Variants in STAM2 observed in about 807,000 individuals in gnomAD.
STAM2 encodes the protein signal transducing adapter molecule 2.
In STAM2, 51 loss-of-function variants were observed where a neutral mutation model predicts 65.6. The ratio of observed to expected loss-of-function variants is 0.78; its 90% confidence interval spans 0.62 to 0.98. The LOEUF (loss-of-function observed/expected upper bound fraction) is 0.98. Ranked by LOEUF, STAM2 falls within the 50% of genes least tolerant of loss-of-function variation. The pLI is 0.00. For missense variants in STAM2, 584 were observed against 617.8 expected (o/e 0.95, Z 0.58); for synonymous variants, 198 against 208.4 (o/e 0.95, Z 0.43).
At chr2:152,142,944 C>A (rs1689275577) in intron 7 of STAM2, among the ~76,000 whole-genome samples, 4 of 152,274 alleles carry the variant, frequency 2.6e-5, no homozygotes, top group Non-Finnish European at 4.4e-5. Context: ...GCCTTCTTTG[C>A]CAGATGCTTG....
intron 1 of STAM2, among the ~76,000 whole-genome samples, chr2:152,167,868 C>T (rs894715041): frequency 7.9e-5 from 12 of 151,990 alleles, no homozygotes; most frequent in African/African-American, 2.9e-4. Flanking sequence ...TGAGATTGTA[C>T]CACTGCACTT....
intron 8 of STAM2, 123 bp from the exon 9 acceptor site, chr2:152,133,607 C>T: frequency 1.5e-6 from 1 of 676,212 alleles, no homozygotes; most frequent in Non-Finnish European, 2.5e-6. Flanking sequence ...ATATTCACCA[C>T]ATTTTATAAT....
intron 11 of STAM2, among the ~76,000 whole-genome samples, chr2:152,131,215 G>C (rs1203571434): frequency 6.6e-6 from 1 of 151,986 alleles, no homozygotes; most frequent in Non-Finnish European, 1.5e-5. Flanking sequence ...AGCACTTTGA[G>C]AGGCCAAGTT....
At chr2:152,172,273 C>T (rs1315519819) in intron 1 of STAM2, among the ~76,000 whole-genome samples, 1 of 152,052 alleles carries the variant, frequency 6.6e-6, no homozygotes, top group African/African-American at 2.4e-5. Flanking sequence ...GTTCTGATGC[C>T]AAGAAAAGAC....
chr2:152,149,496 CTT>C (rs70974823), intron 2 of STAM2, among the ~76,000 whole-genome samples: 4,741 of 126,524 alleles, frequency 0.037, 170 homozygotes, highest in African/African-American at 0.12. Context: ...ATAGTCTACT[CTT>C]TTTTTTTTTT....
intron 1 of STAM2, among the ~76,000 whole-genome samples, chr2:152,172,306 C>T (rs1689910275): frequency 6.6e-6 from 1 of 152,112 alleles, no homozygotes; most frequent in African/African-American, 2.4e-5. Flanking sequence ...GAGTTCCCTA[C>T]TTCCTAGCCT....
At chr2:152,150,769 G>A (rs919078308) in intron 1 of STAM2, among the ~76,000 whole-genome samples, 5 of 152,190 alleles carry the variant, frequency 3.3e-5, no homozygotes, top group Non-Finnish European at 5.9e-5. Flanking sequence ...TCATGCTACC[G>A]CACTCCAGCC....
intron 7 of STAM2, among the ~76,000 whole-genome samples, chr2:152,140,753 G>A (rs1689230861): frequency 6.6e-6 from 1 of 152,194 alleles, no homozygotes; most frequent in African/African-American, 2.4e-5. Context: ...AGAACCAAAG[G>A]TGCAATGCTA....
At chr2:152,152,560 AC>A (rs1689465929) in intron 1 of STAM2, among the ~76,000 whole-genome samples, 1 of 139,602 alleles carries the variant, frequency 7.2e-6, no homozygotes, top group Admixed American at 7.6e-5. Context: ...AAAAAAAACA[AC>A]AAAAAAAAAA....
intron 1 of STAM2, among the ~76,000 whole-genome samples, chr2:152,164,835 A>G (rs1368941643): frequency 6.6e-6 from 1 of 152,182 alleles, no homozygotes; most frequent in Non-Finnish European, 1.5e-5. Context: ...AAAACACATA[A>G]AAATTACCTT....
At chr2:152,136,461 A>G (rs1689156922) in intron 7 of STAM2, among the ~76,000 whole-genome samples, 1 of 152,126 alleles carries the variant, frequency 6.6e-6, no homozygotes, top group Admixed American at 6.6e-5. Flanking sequence ...ATAAAATTAA[A>G]AAATTAAAAA....
At chr2:152,153,788 G>A (rs909842435) in intron 1 of STAM2, among the ~76,000 whole-genome samples, 4 of 151,492 alleles carry the variant, frequency 2.6e-5, no homozygotes, top group African/African-American at 7.3e-5. Flanking sequence ...TAAATTCCAT[G>A]AATTTAGAAG....
Position 152,144,789 on chromosome 2 carries a change from G to A in STAM2, c.517+99C>T, listed in dbSNP as rs546756232. 2,655 of 917,190 alleles carry A rather than the reference G, an allele frequency of 2.9e-3. 19 individuals carry two copies. The highest frequency in any genetic ancestry group is 2.4e-3 in the Non-Finnish European group (1,377 of 563,872). The allele number at this position is 917,190 out of a possible 1,614,324, so 56.8% of individuals were successfully genotyped here. On this transcript the variant is annotated intron_variant, in intron 6 of 13. Coordinates refer to ENST00000263904, the MANE Select transcript of STAM2 (RefSeq NM_005843.6). ...CTTGACCTCATGATCTGCCCACTTC[G>A]GCCTCCCAAAGTGCTGGGATTACAG...
chr2:152,119,659 G>A lies in STAM2; in HGVS notation c.*915C>T, dbSNP rs2105523866. 1 of 152,266 alleles carries A rather than the reference G, an allele frequency of 6.6e-6. No homozygotes were observed. Among genetic ancestry groups the A allele is most frequent in the South Asian group, 2.1e-4 (1 of 4,828 alleles). The allele number at this position is 152,266 out of a possible 1,614,324, so 9.4% of individuals were successfully genotyped here. ...CACATTGCAGGAAGAAAAACAAATGGACCATATCTTCATTAGAGAATAGCC... is the reference window on the plus strand; with the variant it reads ...CACATTGCAGGAAGAAAAACAAATGAACCATATCTTCATTAGAGAATAGCC... On this transcript the variant is annotated 3_prime_UTR_variant, in exon 14 of 14. Transcript: ENST00000263904.
rs1193029604 is a variant in STAM2, at chr2:152,143,932, T to C, written c.599A>G (p.Asn200Ser). 3 of 1,613,860 alleles carry C rather than the reference T, an allele frequency of 1.9e-6. No homozygotes were observed. In the Admixed American group the frequency reaches 5.0e-5, roughly 27 times the overall value. ...TCTCACTTTCCGTGCAACCTTATTA[T>C]TTAACTGAATTTCTGAAGATGGATA... is the stretch of plus-strand genomic sequence containing the variant. ...SLYPSSEIQL[N>S]NKVARKVRAL... The change falls in exon 7 of 14, where the codon AAT (asparagine) becomes AGT (serine). Residue 200 changes from asparagine (N) to serine (S), a missense_variant. Coordinates refer to ENST00000263904, the MANE Select transcript of STAM2 (RefSeq NM_005843.6).
chr2:152,139,145 T>C (rs1046592237), intron 7 of STAM2, among the ~76,000 whole-genome samples: 4 of 152,174 alleles, frequency 2.6e-5, no homozygotes, highest in Non-Finnish European at 5.9e-5. Context: ...ATTAAAGAAA[T>C]TGGCACTCTA....
At chr2:152,160,177 T>C (rs1044344356) in intron 1 of STAM2, among the ~76,000 whole-genome samples, 26 of 152,016 alleles carry the variant, frequency 1.7e-4, no homozygotes, top group Non-Finnish European at 2.9e-4. Context: ...GGAGCGTCTC[T>C]GCCTGGCCGC....
At chr2:152,127,803 T>C (rs941324977) in intron 11 of STAM2, among the ~76,000 whole-genome samples, 5 of 152,232 alleles carry the variant, frequency 3.3e-5, no homozygotes, top group Admixed American at 2.6e-4. Flanking sequence ...TTCTACTTGA[T>C]AGTTCCCCTG....
Position 152,150,782 on chromosome 2 carries a change from G to C in STAM2, c.41-553C>G, listed in dbSNP as rs75495268. ...TATCATGCTACCGCACTCCAGCCTGGATGACAGGGTGAGACTCTACCTCTT... is the reference window on the plus strand; with the variant it reads ...TATCATGCTACCGCACTCCAGCCTGCATGACAGGGTGAGACTCTACCTCTT... On this transcript the variant is annotated intron_variant, in intron 1 of 13. Transcript: ENST00000263904. Among the ~76,000 whole-genome samples, 275 of 152,310 alleles carry C rather than the reference G, an allele frequency of 1.8e-3. 1 individual carries two copies. The highest frequency in any genetic ancestry group is 3.4e-3 in the Non-Finnish European group (233 of 68,026).
Sources: allele counts gnomAD v4.1 joint callset (sites outside exome capture counted in the v4.1 genomes callset), GRCh38; gene constraint gnomAD v4.1.1; transcripts MANE v1.5; gene names NCBI Gene and HGNC (gene_info 2026-07-23, HGNC 2026-07-21).